Variants in ATRX observed in about 807,000 individuals in gnomAD.
ATRX encodes ATRX chromatin remodeler.
ATRX carries 12 observed loss-of-function variants against 172.6 expected under a neutral mutation model. The ratio of observed to expected loss-of-function variants is 0.07; its 90% CI spans 0.04 to 0.11. The LOEUF (loss-of-function observed/expected upper bound fraction) is 0.11. Among genes scored for constraint, ATRX ranks in the 10% least tolerant of loss-of-function variants. The pLI, the probability that ATRX is intolerant of heterozygous loss-of-function variation, is 1.00. For missense variants in ATRX, 1,368 were observed against 1,767.4 expected (o/e 0.77, Z 4.05); for synonymous variants, 674 against 594.7 (o/e 1.13, Z -1.94).
chrX:77,680,500 T>C lies in ATRX; in HGVS notation c.3736+1020A>G, dbSNP rs180887349. On this transcript the variant is annotated intron_variant, in intron 9 of 34. Coordinates refer to ENST00000373344, the MANE Select transcript of ATRX (RefSeq NM_000489.6). ...ATTGCTTGATGCCAGGAGTTCAAGA[T>C]CAGCCTGGGTAACATAGCAAGACCT... Among the ~76,000 whole-genome samples the C allele has an allele frequency of 3.6e-5, 4 of 111,564 alleles. No homozygotes were observed. In the East Asian group the frequency reaches 8.4e-4, roughly 23 times the overall value.
At chrX:77,554,177 T>C (rs1192992630) in intron 30 of ATRX, among the ~76,000 whole-genome samples, 1 of 110,561 alleles carries the variant, frequency 9.0e-6, no homozygotes, top group African/African-American at 3.3e-5. Flanking sequence ...TGGTGGCACA[T>C]GTCTATAACC....
intron 19 of ATRX, among the ~76,000 whole-genome samples, chrX:77,630,478 T>C (rs1354457392): frequency 8.9e-6 from 1 of 112,041 alleles, no homozygotes; most frequent in East Asian, 2.8e-4. Context: ...TTCTTCCTGA[T>C]TGCAAAACTT....
At chrX:77,710,852 T>C (rs1442551369) in intron 2 of ATRX, among the ~76,000 whole-genome samples, 1 of 110,463 alleles carries the variant, frequency 9.1e-6, no homozygotes, top group Non-Finnish European at 1.9e-5. Flanking sequence ...AGGAATCCTG[T>C]GTTGATGAAC....
intron 30 of ATRX, among the ~76,000 whole-genome samples, chrX:77,538,315 C>A (rs781927002): frequency 4.3e-4 from 47 of 109,988 alleles, no homozygotes; most frequent in South Asian, 2.0e-3. Flanking sequence ...TGTCTTTTGC[C>A]ACAACATTGA....
chrX:77,548,119 A>G (rs2064315094), intron 30 of ATRX, among the ~76,000 whole-genome samples: 1 of 111,698 alleles, frequency 9.0e-6, no homozygotes, highest in Admixed American at 9.6e-5. Flanking sequence ...GAAAGCTTAC[A>G]TGGTTTGCCT....
At chrX:77,756,445 G>A (rs1341286899) in intron 1 of ATRX, among the ~76,000 whole-genome samples, 2 of 110,517 alleles carry the variant, frequency 1.8e-5, no homozygotes, top group Non-Finnish European at 3.8e-5. Context: ...TGTCTGCCCA[G>A]ATGCCCAGTT....
rs782510086 is a variant in ATRX at position 77,758,947 on chromosome X, C to A, written c.20+27035G>T. Among the ~76,000 whole-genome samples, 5 of 111,855 alleles carry A rather than the reference C, an allele frequency of 4.5e-5. No homozygotes were observed. The South Asian group carries it at 1.9e-3, about 42-fold the overall frequency. ...CCATTTCTTTTTCAAGCTAATGGAACTTAAAGATGGGACATTCTTTGGTTG... is the reference window on the plus strand; with the variant it reads ...CCATTTCTTTTTCAAGCTAATGGAAATTAAAGATGGGACATTCTTTGGTTG... On this transcript the variant is annotated intron_variant, in intron 1 of 34. Transcript: ENST00000373344.
intron 14 of ATRX, among the ~76,000 whole-genome samples, chrX:77,653,058 T>C (rs1376106814): frequency 9.1e-6 from 1 of 109,581 alleles, no homozygotes; most frequent in African/African-American, 3.3e-5. Flanking sequence ...AAGGAAGTGT[T>C]GGCAAAGATG....
chrX:77,727,546 C>T (rs1467234562), intron 1 of ATRX, among the ~76,000 whole-genome samples: 1 of 110,827 alleles, frequency 9.0e-6, no homozygotes, highest in Non-Finnish European at 1.9e-5. Context: ...ATGGATGAAG[C>T]TGGAAACCAT....
intron 1 of ATRX, among the ~76,000 whole-genome samples, chrX:77,748,586 A>T (rs1557186136): frequency 9.0e-6 from 1 of 111,123 alleles, no homozygotes; most frequent in African/African-American, 3.3e-5. Context: ...TTTTATTTTT[A>T]TTTTTATTTT....
Position 77,683,339 on chromosome X carries a change from C to T in ATRX, c.1917G>A (p.Leu639=), listed in dbSNP as rs1470841577. The change falls in exon 9 of 35, where the codon TTG becomes TTA. Residue 639 remains leucine (L), a synonymous_variant. Coordinates refer to ENST00000373344, the MANE Select transcript of ATRX (RefSeq NM_000489.6). ...LGQENSDNEH[L]VENEVSLLLE... is the part of the protein sequence containing the mutation. ...AAAGTAATGAAACTTCATTTTCAAC[C>T]AAATGCTCATTATCACTGTTTTCCT... 1.7e-6 allele frequency: 2 copies of T among 1,209,172 alleles called. No individual in the cohort carries two copies. The highest frequency in any genetic ancestry group is 3.5e-5 in the African/African-American group (2 of 57,012).
chrX:77,753,116 A>G (rs2075362982), intron 1 of ATRX, among the ~76,000 whole-genome samples: 1 of 111,188 alleles, frequency 9.0e-6, no homozygotes, highest in African/African-American at 3.3e-5. Flanking sequence ...TTTGGTTGGT[A>G]GGCTATTAAT....
chrX:77,781,441 CAAAAAAA>C (rs781859880), intron 1 of ATRX, among the ~76,000 whole-genome samples: 1 of 28,910 alleles, frequency 3.5e-5, no homozygotes, highest in Admixed American at 4.0e-4. Flanking sequence ...GACTCTGTCT[CAAAAAAA>C]AAAAAAAAAA....
At chrX:77,740,220 G>A (rs146017312) in intron 1 of ATRX, among the ~76,000 whole-genome samples, 1,189 of 109,390 alleles carry the variant, frequency 0.011, 17 homozygotes, top group African/African-American at 0.038. Flanking sequence ...CAAAAACTGA[G>A]GTCACAAGGC....
At position 77,688,803 on chromosome X, in the gene ATRX, C is replaced by T. The variant is rs2148655842; in HGVS notation, c.594+15G>A. The T allele has an allele frequency of 8.8e-7, 1 of 1,131,974 alleles. No homozygotes were observed. The highest frequency in any genetic ancestry group is 1.8e-5 in the South Asian group (1 of 55,284). 93.3% of individuals were successfully genotyped at this position (1,131,974 alleles called of 1,213,427 possible). A position where few individuals can be genotyped will look rare whatever the true frequency, so the allele number is the denominator to read the frequency against. ...AAATATTTACGGTATGAAATATCAA[C>T]AGATCATTACATACCTTACAAATAA... On this transcript the variant is annotated intron_variant, in intron 7 of 34. Coordinates refer to ENST00000373344, the MANE Select transcript of ATRX (RefSeq NM_000489.6).
chrX:77,536,192 G>C (rs1340326963), intron 30 of ATRX, among the ~76,000 whole-genome samples: 1 of 110,998 alleles, frequency 9.0e-6, no homozygotes, highest in Non-Finnish European at 1.9e-5. Flanking sequence ...TGGAACTACA[G>C]GGGTGTGTCA....
intron 1 of ATRX, among the ~76,000 whole-genome samples, chrX:77,723,027 A>G (rs183524519): frequency 0.037 from 4,092 of 111,808 alleles, 77 homozygotes; most frequent in East Asian, 0.087. Flanking sequence ...GGATGCGTTT[A>G]TGTCCTTTGC....
intron 9 of ATRX, among the ~76,000 whole-genome samples, chrX:77,677,117 A>C (rs2070919774): frequency 9.0e-6 from 1 of 110,869 alleles, no homozygotes; most frequent in South Asian, 3.8e-4. Flanking sequence ...TCTCTCAAAA[A>C]AAAAAAAAAA....
intron 30 of ATRX, among the ~76,000 whole-genome samples, chrX:77,540,530 C>T (rs181276336): frequency 3.5e-4 from 39 of 111,873 alleles, no homozygotes; most frequent in Admixed American, 5.7e-4. Context: ...TCAGCAACTC[C>T]TTGCACTTAT....
Sources: allele counts gnomAD v4.1 joint callset (sites outside exome capture counted in the v4.1 genomes callset), GRCh38; gene constraint gnomAD v4.1.1; transcripts MANE v1.5; gene names NCBI Gene and HGNC (gene_info 2026-07-23, HGNC 2026-07-21).